CRYBG1: variants seen among roughly 807,000 people sequenced by gnomAD.
The protein encoded by CRYBG1 is crystallin beta-gamma domain containing 1, also known as beta/gamma crystallin domain-containing protein 1.
CRYBG1 carries 139 observed loss-of-function variants against 189.2 expected under a neutral mutation model. The observed-to-expected ratio is 0.73, with a 90% confidence interval of 0.64 to 0.85. The LOEUF (loss-of-function observed/expected upper bound fraction) is 0.85. Ranked by LOEUF, CRYBG1 falls within the 40% of genes least tolerant of loss-of-function variation. The pLI is 0.00. For missense variants in CRYBG1, 2,611 were observed against 2,675.8 expected, an observed-to-expected ratio of 0.98 and a Z score of 0.53; for synonymous variants, 1,023 against 1,017.1, an observed-to-expected ratio of 1.01 and a Z score of -0.11.
chr6:106,482,599 C>A (rs9486364), intron 2 of CRYBG1, among the ~76,000 whole-genome samples: 3 of 151,974 alleles, frequency 2.0e-5, no homozygotes, highest in Non-Finnish European at 4.4e-5. Flanking sequence ...CACCGTGAAA[C>A]CCCGTCTCTA....
At chr6:106,393,827 C>T (rs1016608077) in intron 1 of CRYBG1, among the ~76,000 whole-genome samples, 1 of 152,096 alleles carries the variant, frequency 6.6e-6, no homozygotes, top group Non-Finnish European at 1.5e-5. Flanking sequence ...CATGTGCCAC[C>T]ATGCTTGGCT....
chr6:106,553,683 T>C, intron 16 of CRYBG1, 116 bp downstream of exon 16: 2 of 730,406 alleles, frequency 2.7e-6, no homozygotes, highest in South Asian at 3.2e-5. Context: ...ACCACCATCT[T>C]AGTCCAATGG....
At chr6:106,407,201 A>G (rs896531886) in intron 1 of CRYBG1, among the ~76,000 whole-genome samples, 2 of 101,962 alleles carry the variant, frequency 2.0e-5, no homozygotes, top group African/African-American at 7.5e-5. Flanking sequence ...TTTACCAAGA[A>G]TATGGAAAGC....
At chr6:106,499,092 AATTTTTTTTGC>A (rs1235938401) in intron 2 of CRYBG1, among the ~76,000 whole-genome samples, 1 of 133,362 alleles carries the variant, frequency 7.5e-6, no homozygotes, top group African/African-American at 3.1e-5. Context: ...TTCAAATGTA[AATTTTTTTTGC>A]ATTTTTTTTT....
intron 2 of CRYBG1, among the ~76,000 whole-genome samples, chr6:106,489,421 T>A (rs1441153611): frequency 2.0e-5 from 3 of 152,246 alleles, no homozygotes; most frequent in Non-Finnish European, 4.4e-5. Flanking sequence ...GACCAAAAAT[T>A]GCTTCAAAAT....
At chr6:106,415,684 C>T (rs1419430137) in intron 1 of CRYBG1, among the ~76,000 whole-genome samples, 1 of 152,020 alleles carries the variant, frequency 6.6e-6, no homozygotes, top group African/African-American at 2.4e-5. Context: ...CATGATCATA[C>T]CACTGCACTC....
chr6:106,555,333 G>A (rs956801934), intron 16 of CRYBG1, among the ~76,000 whole-genome samples: 3 of 152,018 alleles, frequency 2.0e-5, no homozygotes, highest in Non-Finnish European at 2.9e-5. Flanking sequence ...AGAGGTATTA[G>A]AAATGAGGAT....
chr6:106,406,908 C>A (rs1770837394), intron 1 of CRYBG1, among the ~76,000 whole-genome samples: 1 of 152,176 alleles, frequency 6.6e-6, no homozygotes, highest in Non-Finnish European at 1.5e-5. Flanking sequence ...AAAGAACAAC[C>A]AGTACCAGAC....
chr6:106,387,467 AG>A (rs1770414254), intron 1 of CRYBG1, among the ~76,000 whole-genome samples: 1 of 152,186 alleles, frequency 6.6e-6, no homozygotes, highest in East Asian at 1.9e-4. Context: ...CGATTCCTAC[AG>A]GCACCATTGC....
At chr6:106,486,537 C>T (rs1461066966) in intron 2 of CRYBG1, among the ~76,000 whole-genome samples, 1 of 152,032 alleles carries the variant, frequency 6.6e-6, no homozygotes, top group African/African-American at 2.4e-5. Flanking sequence ...AGTGTTGAAG[C>T]CCACTATGAT....
Position 106,569,696 on chromosome 6 carries a change from G to A in CRYBG1, c.*1130G>A, listed in dbSNP as rs1005732506. 6.6e-6 allele frequency: 1 copy of A among 152,174 alleles called. No individual in the cohort carries two copies. The highest frequency in any genetic ancestry group is 2.4e-5 in the African/African-American group (1 of 41,422). The allele number at this position is 152,174 out of a possible 1,614,324, so 9.4% of individuals were successfully genotyped here. ...GTTACATACTTTTTTGCTAAACTCAGATTTTTTAGCCTAATTTCTTGTCCT... is the reference window on the plus strand; with the variant it reads ...GTTACATACTTTTTTGCTAAACTCAAATTTTTTAGCCTAATTTCTTGTCCT... On this transcript the variant is annotated 3_prime_UTR_variant, in exon 22 of 22. Coordinates refer to ENST00000633556, the MANE Select transcript of CRYBG1 (RefSeq NM_001371242.2).
At chr6:106,564,995 TTA>T (rs1475339173) in intron 21 of CRYBG1, among the ~76,000 whole-genome samples, 244 of 152,252 alleles carry the variant, frequency 1.6e-3, no homozygotes, top group African/African-American at 5.7e-3. Context: ...AATCAGGGAT[TTA>T]GGCCAATGCT....
chr6:106,514,528 A>T (rs904684423), intron 3 of CRYBG1, among the ~76,000 whole-genome samples: 1 of 152,178 alleles, frequency 6.6e-6, no homozygotes, highest in Non-Finnish European at 1.5e-5. Flanking sequence ...TTATTCTGTG[A>T]TGGTAGGTAG....
At chr6:106,434,582 A>C (rs2114410605) in intron 1 of CRYBG1, among the ~76,000 whole-genome samples, 1 of 152,340 alleles carries the variant, frequency 6.6e-6, no homozygotes, top group Middle Eastern at 3.4e-3. Context: ...CCTAAAACAG[A>C]GGTTGGCAAA....
intron 1 of CRYBG1, among the ~76,000 whole-genome samples, chr6:106,417,902 C>G (rs148901339): frequency 2.9e-4 from 44 of 152,378 alleles, no homozygotes; most frequent in Admixed American, 8.5e-4. Flanking sequence ...CTTTTAGTTC[C>G]CCCGTCCACA....
In CRYBG1 at chr6:106,512,911, G is replaced by A. The variant is rs771820305; in HGVS notation, c.1794G>A (p.Arg598=). The A allele has an allele frequency of 5.0e-6, 8 of 1,605,958 alleles. No homozygotes were observed. The East Asian group carries it at 1.6e-4, about 32-fold the overall frequency. The change falls in exon 3 of 22, where the codon CGG becomes CGA. Residue 598 remains arginine, a synonymous_variant. Transcript: ENST00000633556. Reference sequence around the variant, plus strand: ...CGCTCCCCAACCACTTCAACGGCCGGGCAGAGGGAGGTCGAAGCAGAGAGC... The same window carrying A: ...CGCTCCCCAACCACTTCAACGGCCGAGCAGAGGGAGGTCGAAGCAGAGAGC... The part of the protein sequence containing the change: ...RGPLPNHFNG[R]AEGGRSRELG...
chr6:106,515,455 T>A (rs1773395727), intron 3 of CRYBG1, among the ~76,000 whole-genome samples: 1 of 152,248 alleles, frequency 6.6e-6, no homozygotes, highest in African/African-American at 2.4e-5. Context: ...CTGTAGTGTT[T>A]TCTATTTACA....
In CRYBG1 at chr6:106,544,552, C is replaced by T. The variant is rs764920909; in HGVS notation, c.5040-19C>T. ...AACATGTCTGGAAATGACTACTCCT[C>T]GTGTTCTTTATGTTGCAGTTGGGTT... On this transcript the variant is annotated intron_variant, in intron 11 of 21. Coordinates refer to ENST00000633556, the MANE Select transcript of CRYBG1 (RefSeq NM_001371242.2). 16 of 1,610,498 alleles carry T rather than the reference C, an allele frequency of 9.9e-6. No homozygotes were observed. The highest frequency in any genetic ancestry group is 2.2e-5 in the East Asian group (1 of 44,846).
intron 2 of CRYBG1, among the ~76,000 whole-genome samples, chr6:106,458,258 G>A (rs1032213936): frequency 6.6e-6 from 1 of 152,204 alleles, no homozygotes; most frequent in Non-Finnish European, 1.5e-5. Flanking sequence ...GAAGGCTACT[G>A]TTGTTTCCAA....
Sources: gnomAD v4.1 joint callset for allele counts (sites outside exome capture counted in the v4.1 genomes callset) on GRCh38, gnomAD v4.1.1 for gene constraint, MANE v1.5 for transcripts, NCBI Gene and HGNC (gene_info 2026-07-23, HGNC 2026-07-21) for gene names.